Variants in NTN1 observed in about 807,000 individuals in gnomAD.
The protein encoded by NTN1 is netrin 1.
NTN1 carries 11 observed loss-of-function variants against 54.2 expected under a neutral mutation model. The observed-to-expected ratio is 0.20, with a 90% CI of 0.13 to 0.34. NTN1 has a LOEUF of 0.34. NTN1 is among the 10% of genes least tolerant of loss of function. NTN1 has a pLI of 1.00. For synonymous variants in NTN1, 371 were observed against 382.0 expected (o/e 0.97, Z 0.33); for missense variants, 740 against 893.1 (o/e 0.83, Z 2.18).
intron 2 of NTN1, among the ~76,000 whole-genome samples, chr17:9,073,766 T>C (rs1239121936): frequency 6.6e-5 from 10 of 152,344 alleles, no homozygotes; most frequent in Middle Eastern, 3.4e-3. Flanking sequence ...TGGAGATCCA[T>C]GGTCCCACTT....
At chr17:9,193,736 A>G (rs1904531555) in intron 5 of NTN1, among the ~76,000 whole-genome samples, 1 of 151,584 alleles carries the variant, frequency 6.6e-6, no homozygotes, top group East Asian at 1.9e-4. Flanking sequence ...CAGCCTGACC[A>G]ACATGGAGAA....
intron 2 of NTN1, among the ~76,000 whole-genome samples, chr17:9,157,337 G>A (rs903473563): frequency 1.3e-5 from 2 of 152,224 alleles, no homozygotes; most frequent in African/African-American, 4.8e-5. Flanking sequence ...TGGGAACATA[G>A]CTAGAACACT....
chr17:9,008,446 A>C, the NTN1 span, among the ~76,000 whole-genome samples: 1 of 152,000 alleles, frequency 6.6e-6, no homozygotes, highest in Admixed American at 6.6e-5. Flanking sequence ...AGCCTCCCCC[A>C]GTAGCTGGGG....
chr17:9,160,723 C>T (rs1257668902), intron 2 of NTN1, among the ~76,000 whole-genome samples: 1 of 152,100 alleles, frequency 6.6e-6, no homozygotes, highest in Non-Finnish European at 1.5e-5. Flanking sequence ...GAGACCAAAA[C>T]AGGCAGATAT....
chr17:9,080,845 G>C lies in NTN1; in HGVS notation c.1018+57454G>C, dbSNP rs150389338. ...AGCTTCTGATAGCTGATCATGTGGA[G>C]GTTCCTAGAGGGTGATGGTCCCAGG... On this transcript the variant is annotated intron_variant, in intron 2 of 6. Coordinates refer to ENST00000173229, the MANE Select transcript of NTN1 (RefSeq NM_004822.3). 2.0e-4 allele frequency among the ~76,000 whole-genome samples: 30 copies of C among 152,330 alleles called. No homozygotes were observed. The East Asian group carries it at 4.4e-3, about 23-fold the overall frequency.
At chr17:9,126,861 T>A (rs866668320) in intron 2 of NTN1, among the ~76,000 whole-genome samples, 4 of 152,070 alleles carry the variant, frequency 2.6e-5, no homozygotes, top group African/African-American at 9.6e-5. Flanking sequence ...GACTTGGCAA[T>A]GGGGAACCAG....
At position 9,219,316 on chromosome 17, in the gene NTN1, C is replaced by T. The variant is rs1309232388; in HGVS notation, c.1412-1852C>T. 6.6e-6 allele frequency among the ~76,000 whole-genome samples: 1 copy of T among 152,198 alleles called. No homozygotes were observed. The highest frequency in any genetic ancestry group is 2.4e-5 in the African/African-American group (1 of 41,440). On this transcript the variant is annotated intron_variant, in intron 5 of 6. Transcript: ENST00000173229. The surrounding 1 kb of genome is among the most constrained non-coding windows in gnomAD (Gnocchi z 4.5). Reference sequence around the variant, plus strand: ...GTCCCTGCACCCCAAGAAATCCCTACTCTAGTAACCAAGCTGCTATCCAGA... The same window carrying T: ...GTCCCTGCACCCCAAGAAATCCCTATTCTAGTAACCAAGCTGCTATCCAGA...
In NTN1 at chr17:9,225,176, A is replaced by T. The variant is rs367977537; in HGVS notation, c.1486+3934A>T. Among the ~76,000 whole-genome samples, 22 of 152,130 alleles carry T rather than the reference A, an allele frequency of 1.4e-4. 1 individual carries two copies. In the East Asian group the frequency reaches 3.9e-3, roughly 27 times the overall value. Reference sequence around the variant, plus strand: ...AGGCTGAGGCAGGAGAATTGTTTGAACCTGGAAGGTGGAGGTTGCAGTGAG... The same window carrying T: ...AGGCTGAGGCAGGAGAATTGTTTGATCCTGGAAGGTGGAGGTTGCAGTGAG... On this transcript the variant is annotated intron_variant, in intron 6 of 6. Transcript: ENST00000173229.
intron 2 of NTN1, among the ~76,000 whole-genome samples, chr17:9,049,824 G>A (rs193076975): frequency 2.6e-5 from 4 of 152,228 alleles, no homozygotes; most frequent in East Asian, 1.9e-4. Context: ...TTCGATTTTC[G>A]GGTTTTGATC....
chr17:9,167,953 C>T (rs901149583), intron 3 of NTN1, among the ~76,000 whole-genome samples: 2 of 152,260 alleles, frequency 1.3e-5, no homozygotes, highest in Admixed American at 6.5e-5. Flanking sequence ...CCGCCTGGAT[C>T]CCACCCCCAG....
chr17:9,018,712 A>G (rs2091837202), upstream of NTN1, among the ~76,000 whole-genome samples: 1 of 151,252 alleles, frequency 6.6e-6, no homozygotes, highest in South Asian at 2.1e-4. Flanking sequence ...AGTCTTGTAG[A>G]TGCTCCAAAA....
At chr17:9,203,411 C>A (rs573952416) in intron 5 of NTN1, among the ~76,000 whole-genome samples, 1 of 152,202 alleles carries the variant, frequency 6.6e-6, no homozygotes, top group Non-Finnish European at 1.5e-5. Context: ...AGGTTTCTAT[C>A]ATACCTTCCA....
chr17:9,182,603 G>A (rs1042283517), intron 4 of NTN1, among the ~76,000 whole-genome samples: 1 of 152,194 alleles, frequency 6.6e-6, no homozygotes, highest in African/African-American at 2.4e-5. Context: ...CTCCATACCC[G>A]CAAGGGTGGA....
At chr17:9,192,802 C>T (rs1005798938) in intron 5 of NTN1, among the ~76,000 whole-genome samples, 5 of 152,254 alleles carry the variant, frequency 3.3e-5, no homozygotes, top group South Asian at 2.1e-4. Context: ...TTTCCTCGGC[C>T]GGGCGCGGTG....
At chr17:9,036,141 G>A (rs1235073454) in intron 2 of NTN1, among the ~76,000 whole-genome samples, 4 of 152,162 alleles carry the variant, frequency 2.6e-5, no homozygotes, top group African/African-American at 7.2e-5. Flanking sequence ...GATTACAGGC[G>A]TGAGCCACCA....
At chr17:9,155,872 C>T (rs530170542) in intron 2 of NTN1, among the ~76,000 whole-genome samples, 2 of 152,274 alleles carry the variant, frequency 1.3e-5, no homozygotes, top group African/African-American at 4.8e-5. Context: ...ATGCAAACAG[C>T]CCCTCCCTCC....
intron 2 of NTN1, among the ~76,000 whole-genome samples, chr17:9,052,246 C>T (rs962749653): frequency 5.3e-5 from 8 of 152,334 alleles, no homozygotes; most frequent in South Asian, 2.1e-4. Context: ...GCTGGGATTA[C>T]AGGCATGAGC....
chr17:9,228,626 T>C (rs1905679576), intron 6 of NTN1, among the ~76,000 whole-genome samples: 1 of 152,208 alleles, frequency 6.6e-6, no homozygotes, highest in Admixed American at 6.5e-5. Flanking sequence ...AAGTTATTCG[T>C]TCCCAGAAAT....
intron 6 of NTN1, among the ~76,000 whole-genome samples, chr17:9,233,139 C>T (rs2142372743): frequency 6.6e-6 from 1 of 152,106 alleles, no homozygotes; most frequent in South Asian, 2.1e-4. Context: ...CCACTGGGGG[C>T]CCACCTCGAG....
Sources: gnomAD v4.1 joint callset for allele counts (sites outside exome capture counted in the v4.1 genomes callset) on GRCh38, gnomAD v4.1.1 for gene constraint, Gnocchi (gnomAD v3.1) non-coding constraint, MANE v1.5 for transcripts, NCBI Gene and HGNC (gene_info 2026-07-23, HGNC 2026-07-21) for gene names.